EPHA6: variants seen among roughly 807,000 people sequenced by gnomAD.
The protein encoded by EPHA6 is ephrin type-A receptor 6.
In EPHA6, 50 loss-of-function variants were observed where a neutral mutation model predicts 112.0. The ratio of observed to expected loss-of-function variants is 0.45; its 90% CI spans 0.36 to 0.56. The LOEUF is 0.56. Ranked by LOEUF, EPHA6 falls within the 20% of genes least tolerant of loss-of-function variation. EPHA6 has a pLI of 0.00. For missense variants in EPHA6, 1,280 were observed against 1,417.4 expected (o/e 0.90, Z 1.56); for synonymous variants, 529 against 490.7 (o/e 1.08, Z -1.03).
At chr3:97,585,574 T>C (rs2093480107) in intron 11 of EPHA6, among the ~76,000 whole-genome samples, 1 of 152,208 alleles carries the variant, frequency 6.6e-6, no homozygotes, top group Non-Finnish European at 1.5e-5. Context: ...GGATGAAATA[T>C]CTATAGGATT....
chr3:97,307,494 T>A (rs11916656), intron 5 of EPHA6, among the ~76,000 whole-genome samples: 3,257 of 151,878 alleles, frequency 0.021, 86 homozygotes, highest in African/African-American at 0.067. Flanking sequence ...CAGAATATAA[T>A]ACATAAATTT....
chr3:97,511,329 T>C (rs2107591493), intron 10 of EPHA6, among the ~76,000 whole-genome samples: 1 of 152,284 alleles, frequency 6.6e-6, no homozygotes, highest in South Asian at 2.1e-4. Flanking sequence ...CAAGGGAATC[T>C]CCTGTTCTGC....
At chr3:97,702,596 A>G (rs1345897820) in intron 14 of EPHA6, among the ~76,000 whole-genome samples, 2 of 152,304 alleles carry the variant, frequency 1.3e-5, no homozygotes, top group South Asian at 2.1e-4. Flanking sequence ...GCTTATTATA[A>G]TGCCTAATGA....
intron 6 of EPHA6, among the ~76,000 whole-genome samples, chr3:97,438,357 A>G (rs2089964894): frequency 6.6e-6 from 1 of 152,146 alleles, no homozygotes. Flanking sequence ...ATTCTCCACA[A>G]TGTTCCTAAG....
chr3:97,187,676 A>AGAAAGAAAGAAG (rs1226992446), intron 3 of EPHA6, among the ~76,000 whole-genome samples: 2 of 88,394 alleles, frequency 2.3e-5, no homozygotes, highest in African/African-American at 4.9e-5. Context: ...AGAAAGAAAG[A>AGAAAGAAAGAAG]GAAAGAAAGA....
chr3:96,937,576 A>G (rs531792646), intron 2 of EPHA6, among the ~76,000 whole-genome samples: 2 of 152,178 alleles, frequency 1.3e-5, no homozygotes, highest in African/African-American at 4.8e-5. Context: ...CTCTGATGGT[A>G]GTTTCTTTTG....
intron 3 of EPHA6, among the ~76,000 whole-genome samples, chr3:97,012,821 T>A (rs2107949622): frequency 6.6e-6 from 1 of 152,052 alleles, no homozygotes; most frequent in East Asian, 1.9e-4. Context: ...ATCTCGTTAT[T>A]GTTTTTATTT....
chr3:97,482,024 G>T (rs1314801039), intron 9 of EPHA6, among the ~76,000 whole-genome samples: 2 of 152,190 alleles, frequency 1.3e-5, no homozygotes, highest in African/African-American at 4.8e-5. Context: ...GTAGAAGAAA[G>T]TTAACCAACT....
intron 5 of EPHA6, among the ~76,000 whole-genome samples, chr3:97,397,706 G>A (rs185578342): frequency 9.9e-5 from 15 of 151,542 alleles, no homozygotes; most frequent in East Asian, 1.9e-4. Flanking sequence ...TGCATGAACC[G>A]TGAAAACGCT....
intron 6 of EPHA6, among the ~76,000 whole-genome samples, chr3:97,442,924 T>C (rs2090188634): frequency 6.6e-6 from 1 of 152,150 alleles, no homozygotes; most frequent in Non-Finnish European, 1.5e-5. Context: ...AATATCTTCC[T>C]TTCATTCAAG....
At chr3:97,346,269 T>A (rs934614428) in intron 5 of EPHA6, among the ~76,000 whole-genome samples, 2 of 152,130 alleles carry the variant, frequency 1.3e-5, no homozygotes, top group African/African-American at 4.8e-5. Flanking sequence ...ATTAAGTTCC[T>A]CTCAAGAGAG....
intron 1 of EPHA6, among the ~76,000 whole-genome samples, chr3:96,830,369 A>G (rs148808216): frequency 6.6e-6 from 1 of 152,258 alleles, no homozygotes; most frequent in East Asian, 1.9e-4. Context: ...ACCAGAAAAA[A>G]AGAAAATACC....
At chr3:97,417,891 C>A (rs1319521782) in intron 6 of EPHA6, among the ~76,000 whole-genome samples, 2 of 152,056 alleles carry the variant, frequency 1.3e-5, no homozygotes, top group African/African-American at 4.8e-5. Context: ...AAGACTCAGA[C>A]ACCACAGATT....
At chr3:97,716,364 C>T (rs1300009364) in intron 14 of EPHA6, among the ~76,000 whole-genome samples, 2 of 124,608 alleles carry the variant, frequency 1.6e-5, no homozygotes, top group Non-Finnish European at 3.0e-5. Context: ...GTCAGGAGAT[C>T]GAGACCATCC....
At chr3:97,022,280 A>AT (rs770153668) in intron 3 of EPHA6, among the ~76,000 whole-genome samples, 5 of 152,034 alleles carry the variant, frequency 3.3e-5, no homozygotes, top group African/African-American at 4.8e-5. Flanking sequence ...AGGTTATCAT[A>AT]TTTTTTCCAG....
At chr3:97,694,388 C>A (rs1559607582) in intron 14 of EPHA6, among the ~76,000 whole-genome samples, 1 of 152,112 alleles carries the variant, frequency 6.6e-6, no homozygotes, top group Non-Finnish European at 1.5e-5. Context: ...AGGCACCAGC[C>A]ACCATGGCCG....
chr3:97,559,686 T>A (rs1352837905), intron 11 of EPHA6: 1 of 448,784 alleles, frequency 2.2e-6, no homozygotes. Context: ...ATAGAGCTAA[T>A]GTGTATGCTG....
intron 5 of EPHA6, among the ~76,000 whole-genome samples, chr3:97,251,391 G>A (rs1448682541): frequency 6.6e-6 from 1 of 152,002 alleles, no homozygotes; most frequent in East Asian, 2.0e-4. Flanking sequence ...TTAGCCGGGC[G>A]TGGTTGCAGG....
At chr3:97,672,732 GTTC>G (rs2030973126) in intron 14 of EPHA6, among the ~76,000 whole-genome samples, 3 of 152,262 alleles carry the variant, frequency 2.0e-5, no homozygotes, top group Middle Eastern at 3.4e-3. Context: ...ATTGGAATGA[GTTC>G]TTCTTAAACG....
Sources: gnomAD v4.1 joint callset for allele counts (sites outside exome capture counted in the v4.1 genomes callset) on GRCh38, gnomAD v4.1.1 for gene constraint, MANE v1.5 for transcripts, NCBI Gene and HGNC (gene_info 2026-07-23, HGNC 2026-07-21) for gene names.